The following EIF4E1B variants were observed in gnomAD, a reference collection of about 807,000 sequenced individuals.
EIF4E1B encodes eukaryotic translation initiation factor 4E family member 1B.
Under a neutral mutation model 31.3 loss-of-function variants are expected in EIF4E1B, and 22 were observed. That is an observed-to-expected ratio of 0.70 (90% confidence interval 0.50 to 1.00). The LOEUF (loss-of-function observed/expected upper bound fraction) is 1.00. Among genes scored for constraint, EIF4E1B ranks in the 50% least tolerant of loss-of-function variants. The pLI, the probability that EIF4E1B is intolerant of heterozygous loss-of-function variation, is 0.00. For synonymous variants in EIF4E1B, 126 were observed against 120.2 expected (o/e 1.05, Z -0.31); for missense variants, 290 against 311.6 (o/e 0.93, Z 0.52).
chr5:176,643,557 G>A (rs1220878419), intron 4 of EIF4E1B, 82 bp from the exon 5 acceptor site: 32 of 1,353,252 alleles, frequency 2.4e-5, no homozygotes, highest in Non-Finnish European at 3.1e-5. Context: ...TGAAGGGGAG[G>A]GTCCTCCCTG....
intron 6 of EIF4E1B, chr5:176,644,738 C>T: frequency 2.0e-6 from 1 of 505,880 alleles, no homozygotes. Flanking sequence ...TGATGCCACA[C>T]CCATCCCTGG....
Position 176,642,715 on chromosome 5 carries a change from G to A in EIF4E1B, c.-73G>A. Reference sequence around the variant, plus strand: ...ATATTGACGCTTACCTTCAGGTCTTGGCCCCCATGGTGTGGGGCTTGGTCA... The same window carrying A: ...ATATTGACGCTTACCTTCAGGTCTTAGCCCCCATGGTGTGGGGCTTGGTCA... On this transcript the variant is annotated 5_prime_UTR_variant, in exon 3 of 9. Transcript: ENST00000318682. The A allele has an allele frequency of 6.5e-7, 1 of 1,547,182 alleles. No homozygotes were observed. Among genetic ancestry groups the A allele is most frequent in the Non-Finnish European group, 8.7e-7 (1 of 1,144,650 alleles).
Position 176,630,871 on chromosome 5 carries a change from G to A in EIF4E1B, c.-395G>A, listed in dbSNP as rs1328330280. 1 of 152,278 alleles carries A rather than the reference G, an allele frequency of 6.6e-6. No homozygotes were observed. The highest frequency in any genetic ancestry group is 1.5e-5 in the Non-Finnish European group (1 of 68,048). 9.4% of individuals were successfully genotyped at this position (152,278 alleles called of 1,614,324 possible). A position where few individuals can be genotyped will look rare whatever the true frequency, so the allele number is the denominator to read the frequency against. ...GTAAAACAGGAATGGTTAATTCAAC[G>A]AATGTTTACTGAGCGCTTAGTCCAG... On this transcript the variant is annotated 5_prime_UTR_variant, in exon 1 of 9. Coordinates refer to ENST00000318682, the MANE Select transcript of EIF4E1B (RefSeq NM_001099408.2).
At position 176,643,113 on chromosome 5, in the gene EIF4E1B, G is replaced by GGGAGGAGGA. The variant is rs764828988; in HGVS notation, c.52_60dup (p.Glu18_Glu20dup). ...GAAGCTGAGGGTGGAATCCGAGAGT[G>GGGAGGAGGA]GGAGGAGGAGGAGAAGGAGGAGGAG... On this transcript the variant is annotated inframe_insertion, in exon 4 of 9. Transcript: ENST00000318682. 1 of 1,613,542 alleles carries GGGAGGAGGA rather than the reference G, an allele frequency of 6.2e-7. No homozygotes were observed.
intron 1 of EIF4E1B, among the ~76,000 whole-genome samples, chr5:176,636,392 C>T (rs1760493395): frequency 6.6e-6 from 1 of 152,246 alleles, no homozygotes; most frequent in African/African-American, 2.4e-5. Context: ...TTCCTCTCCC[C>T]TTCCTAGGAA....
At chr5:176,641,494 AT>A (rs1760576738) in intron 1 of EIF4E1B, among the ~76,000 whole-genome samples, 1 of 152,142 alleles carries the variant, frequency 6.6e-6, no homozygotes, top group Non-Finnish European at 1.5e-5. Flanking sequence ...CCCAGCTTGG[AT>A]CGTGGACTTT....
chr5:176,633,870 C>T (rs149669708), intron 1 of EIF4E1B, among the ~76,000 whole-genome samples: 96 of 152,144 alleles, frequency 6.3e-4, no homozygotes, highest in Non-Finnish European at 1.2e-3. Context: ...TGGGGCCAAA[C>T]GGAGATGGGT....
chr5:176,646,235 G>GGGT lies in EIF4E1B; in HGVS notation c.*257_*259dup. 1 of 436,620 alleles carries GGGT rather than the reference G, an allele frequency of 2.3e-6. No homozygotes were observed. The highest frequency in any genetic ancestry group is 4.2e-6 in the Non-Finnish European group (1 of 238,576). 27.0% of individuals were successfully genotyped at this position (436,620 alleles called of 1,614,324 possible). The stretch of plus-strand genomic sequence containing the variant: ...AGGGTGGAAAAAACTCCTGAGGGTG[G>GGGT]GGTGAGTCATGGCGGGGAAGGAGGG... On this transcript the variant is annotated 3_prime_UTR_variant, in exon 9 of 9. Coordinates refer to ENST00000318682, the MANE Select transcript of EIF4E1B (RefSeq NM_001099408.2).
rs533488547 is a variant in EIF4E1B, at chr5:176,643,749, C to G, written c.296+15C>G. 1 of 1,607,224 alleles carries G rather than the reference C, an allele frequency of 6.2e-7. No individual in the cohort carries two copies. The highest frequency in any genetic ancestry group is 8.5e-7 in the Non-Finnish European group (1 of 1,176,754). On this transcript the variant is annotated intron_variant, in intron 5 of 8. Coordinates refer to ENST00000318682, the MANE Select transcript of EIF4E1B (RefSeq NM_001099408.2). The stretch of plus-strand genomic sequence containing the variant: ...GACTTCTGGGCGTGAGTGTCTGTCC[C>G]CAGTGGGGCTAGAGTTGGGGGGCTC...
rs969892994 is a variant in EIF4E1B, at chr5:176,645,825, C to T, written c.615-41C>T. The T allele has an allele frequency of 7.3e-6, 11 of 1,508,192 alleles. No individual in the cohort carries two copies. In the African/African-American group the frequency reaches 1.3e-4, roughly 17 times the overall value. The allele number at this position is 1,508,192 out of a possible 1,614,324, so 93.4% of individuals were successfully genotyped here. ...AGTTATCTCTAGGACCCTCTGATGA[C>T]TACCTGTGTCTCTTTTCCTCTGTGT... On this transcript the variant is annotated intron_variant, in intron 8 of 8. Coordinates refer to ENST00000318682, the MANE Select transcript of EIF4E1B (RefSeq NM_001099408.2). The surrounding 1 kb of genome is among the most constrained non-coding windows in gnomAD (Gnocchi z 5.4).
Position 176,643,217 on chromosome 5 carries a change from A to G in EIF4E1B, c.151A>G (p.Thr51Ala). Residue 51 changes from threonine to alanine, a missense_variant, in exon 4 of 9, where the codon ACG becomes GCG. By Grantham distance (58) the Thr-to-Ala change is moderately conservative (BLOSUM62 0). Coordinates refer to ENST00000318682, the MANE Select transcript of EIF4E1B (RefSeq NM_001099408.2). Reference sequence around the variant, plus strand: ...GCTGTCTCTGAGAGGGAAGGCCCGGACGGGGGGCCCCATGGAAGTCAAGCT... The same window carrying G: ...GCTGTCTCTGAGAGGGAAGGCCCGGGCGGGGGGCCCCATGGAAGTCAAGCT... Reference protein sequence around the residue: ...TLLSLRGKARTGGPMEVKLEL... With the variant: ...TLLSLRGKARAGGPMEVKLEL... 2 of 1,613,126 alleles carry G rather than the reference A, an allele frequency of 1.2e-6. No individual in the cohort carries two copies. The highest frequency in any genetic ancestry group is 8.5e-7 in the Non-Finnish European group (1 of 1,179,852).
intron 1 of EIF4E1B, among the ~76,000 whole-genome samples, chr5:176,631,977 ATGGT>A (rs2113434204): frequency 6.6e-6 from 1 of 152,288 alleles, no homozygotes; most frequent in South Asian, 2.1e-4. Flanking sequence ...ATGCCACACT[ATGGT>A]TGGCAAAGAT....
intron 6 of EIF4E1B, chr5:176,644,753 C>T: frequency 2.0e-6 from 1 of 497,102 alleles, no homozygotes; most frequent in Non-Finnish European, 3.6e-6. Flanking sequence ...CCCTGGAGGG[C>T]TGACATTGTG....
intron 1 of EIF4E1B, among the ~76,000 whole-genome samples, chr5:176,639,197 G>A (rs940440607): frequency 6.6e-6 from 1 of 152,238 alleles, no homozygotes; most frequent in Non-Finnish European, 1.5e-5. Flanking sequence ...AGGAGTGGAA[G>A]CAAGTGGAGT....
Position 176,643,240 on chromosome 5 carries a change from G to C in EIF4E1B, c.174G>C (p.Lys58Asn). 1 of 1,612,550 alleles carries C rather than the reference G, an allele frequency of 6.2e-7. No homozygotes were observed. The highest frequency in any genetic ancestry group is 8.5e-7 in the Non-Finnish European group (1 of 1,179,854). The part of the protein sequence containing the change: ...KARTGGPMEV[K>N]LELHPLQNRW... ...GGACGGGGGGCCCCATGGAAGTCAA[G>C]CTGGAGCTGCACCCCTTGCAGAACA... The change falls in exon 4 of 9, where the codon AAG becomes AAC. Residue 58 changes from lysine to asparagine, a missense_variant. By Grantham distance (94) the Lys-to-Asn change is moderately conservative. Transcript: ENST00000318682.
At position 176,630,700 on chromosome 5, in the gene EIF4E1B, G is replaced by C. The variant is rs1426272091; in HGVS notation, c.-566G>C. 2 of 152,240 alleles carry C rather than the reference G, an allele frequency of 1.3e-5. No homozygotes were observed. The highest frequency in any genetic ancestry group is 6.5e-5 in the Admixed American group (1 of 15,288). The allele number at this position is 152,240 out of a possible 1,614,324, so 9.4% of individuals were successfully genotyped here. A position where few individuals can be genotyped will look rare whatever the true frequency, so the allele number is the denominator to read the frequency against. On this transcript the variant is annotated 5_prime_UTR_variant, in exon 1 of 9. Coordinates refer to ENST00000318682, the MANE Select transcript of EIF4E1B (RefSeq NM_001099408.2). ...GTAGTCTGTTGGGAGTTGAGGGAGG[G>C]GGACAACGCGGCGTGTGAAGAGTGG...
In EIF4E1B at chr5:176,642,856, C is replaced by CCCT; in HGVS notation, c.15+56_15+57insTCC. Reference sequence around the variant, plus strand: ...TGCACCATGGCCCCGCCCTCTCCCCCCCCCCCCCCGCCCCAGGTGGGCGGG... The same window carrying CCCT: ...TGCACCATGGCCCCGCCCTCTCCCCCCCTCCCCCCCCCGCCCCAGGTGGGCGGG... On this transcript the variant is annotated intron_variant, in intron 3 of 8. Transcript: ENST00000318682. 2 of 1,270,914 alleles carry CCCT rather than the reference C, an allele frequency of 1.6e-6. 1 individual carries two copies. The highest frequency in any genetic ancestry group is 4.8e-5 in the African/African-American group (2 of 41,544). 78.7% of individuals were successfully genotyped at this position (1,270,914 alleles called of 1,614,324 possible). A position where few individuals can be genotyped will look rare whatever the true frequency, so the allele number is the denominator to read the frequency against.
chr5:176,642,857 C>CA lies in EIF4E1B; in HGVS notation c.15+55_15+56insA, dbSNP rs1554151054. ...GCACCATGGCCCCGCCCTCTCCCCC[C>CA]CCCCCCCCGCCCCAGGTGGGCGGGG... On this transcript the variant is annotated intron_variant, in intron 3 of 8. Coordinates refer to ENST00000318682, the MANE Select transcript of EIF4E1B (RefSeq NM_001099408.2). The CA allele has an allele frequency of 2.3e-4, 290 of 1,276,806 alleles. 15 individuals are homozygous for CA. The highest frequency in any genetic ancestry group is 4.4e-4 in the Admixed American group (15 of 33,726). 79.1% of individuals were successfully genotyped at this position (1,276,806 alleles called of 1,614,324 possible).
chr5:176,643,782 TGG>T lies in EIF4E1B; in HGVS notation c.296+50_296+51del, dbSNP rs779309244. On this transcript the variant is annotated intron_variant, in intron 5 of 8. Transcript: ENST00000318682. ...GCTAGAGTTGGGGGGCTCTGAGCTC[TGG>T]GCTCCCTCTCTCCGGGTTGAGCCAG... 1.7e-5 allele frequency: 26 copies of T among 1,564,816 alleles called. No homozygotes were observed. In the South Asian group the frequency reaches 2.1e-4, roughly 13 times the overall value.
Sources: allele counts gnomAD v4.1 joint callset (sites outside exome capture counted in the v4.1 genomes callset), GRCh38; gene constraint gnomAD v4.1.1; non-coding constraint Gnocchi (gnomAD v3.1); transcripts MANE v1.5; gene names NCBI Gene and HGNC (gene_info 2026-07-23, HGNC 2026-07-21).